TBL2: variants seen among roughly 807,000 people sequenced by gnomAD.
The protein encoded by TBL2 is transducin beta-like protein 2.
A neutral mutation model predicts 41.8 loss-of-function variants in TBL2; 33 were observed. The ratio of observed to expected loss-of-function variants is 0.79; its 90% CI spans 0.60 to 1.06. The LOEUF is 1.06. TBL2 is among the 50% of genes least tolerant of loss of function. TBL2 has a pLI of 0.00. For missense variants in TBL2, 522 were observed against 603.8 expected (o/e 0.86, Z 1.42); for synonymous variants, 239 against 241.7 (o/e 0.99, Z 0.10).
chr7:73,571,465 G>C, intron 5 of TBL2, 124 bp from the exon 6 acceptor site: 2 of 1,407,858 alleles, frequency 1.4e-6, no homozygotes, highest in Non-Finnish European at 1.9e-6. Flanking sequence ...AACCTTTAAA[G>C]AGTTATTTTG....
Position 73,568,676 on chromosome 7 carries a change from C to A in TBL2, c.*1831G>T, listed in dbSNP as rs2115894993. The stretch of plus-strand genomic sequence containing the variant: ...CGATGGCTCACACCTGTAATCCCAG[C>A]ACTTGGGGAGGCCAAGGGGGGTGGT... On this transcript the variant is annotated 3_prime_UTR_variant, in exon 7 of 7. Coordinates refer to ENST00000305632, the MANE Select transcript of TBL2 (RefSeq NM_012453.4). 6.6e-6 allele frequency among the ~76,000 whole-genome samples: 1 copy of A among 152,318 alleles called. No homozygotes were observed. Among genetic ancestry groups the A allele is most frequent in the South Asian group, 2.1e-4 (1 of 4,830 alleles).
intron 1 of TBL2, among the ~76,000 whole-genome samples, chr7:73,576,194 A>G (rs1793300287): frequency 9.6e-6 from 1 of 104,234 alleles, no homozygotes; most frequent in Non-Finnish European, 1.9e-5. Context: ...AGGCTGAGGC[A>G]GCTGCTGGAT....
intron 1 of TBL2, chr7:73,577,977 T>G (rs1270589579): frequency 2.6e-6 from 1 of 381,532 alleles, no homozygotes. Context: ...ACTTACATAT[T>G]TAGGTGTTCA....
At chr7:73,572,575 C>G (rs782574876) in intron 5 of TBL2, among the ~76,000 whole-genome samples, 6 of 152,172 alleles carry the variant, frequency 3.9e-5, no homozygotes, top group Non-Finnish European at 7.3e-5. Context: ...GAGCTATGAT[C>G]GCACCACTGT....
Position 73,570,526 on chromosome 7 carries a change from A to G in TBL2, c.1325T>C (p.Leu442Pro), listed in dbSNP as rs1554587126. 2 of 1,574,120 alleles carry G rather than the reference A, an allele frequency of 1.3e-6. No individual in the cohort carries two copies. The highest frequency in any genetic ancestry group is 2.4e-5 in the South Asian group (2 of 85,096). ...CCAGAGTCACTTCTTCAGGGCACCC[A>G]GGCTCTTCAGGGTCTCTTGGGCCTG... ...LTQAQETLKS[L>P]GALKK Residue 442 changes from leucine to proline, a missense_variant, in exon 7 of 7, where the codon CTG (leucine) becomes CCG (proline). Coordinates refer to ENST00000305632, the MANE Select transcript of TBL2 (RefSeq NM_012453.4).
intron 1 of TBL2, 102 bp downstream of exon 1, chr7:73,578,318 G>C: frequency 6.5e-7 from 1 of 1,535,070 alleles, no homozygotes; most frequent in Non-Finnish European, 8.7e-7. Context: ...CCATGGAGTC[G>C]CCGGGCCCCA....
intron 1 of TBL2, 31 bp downstream of exon 1, chr7:73,578,389 G>C: frequency 6.6e-7 from 1 of 1,521,436 alleles, no homozygotes; most frequent in Non-Finnish European, 8.8e-7. Context: ...GGACACCGCG[G>C]GCCGCCCCCA....
chr7:73,572,291 A>T (rs578147092), intron 5 of TBL2, among the ~76,000 whole-genome samples: 2 of 152,218 alleles, frequency 1.3e-5, no homozygotes, highest in Admixed American at 1.3e-4. Flanking sequence ...TCAACAAAAA[A>T]TACAAAAATT....
Position 73,570,255 on chromosome 7 carries a change from G to T in TBL2, c.*252C>A. 1 of 505,804 alleles carries T rather than the reference G, an allele frequency of 2.0e-6. No individual in the cohort carries two copies. The highest frequency in any genetic ancestry group is 3.3e-6 in the Non-Finnish European group (1 of 298,894). The allele number at this position is 505,804 out of a possible 1,614,324, so 31.3% of individuals were successfully genotyped here. ...CTACCATTCTCCTCAGTGCCAGGTG[G>T]GGACAGATTCCACCCACTGGGCCTG... On this transcript the variant is annotated 3_prime_UTR_variant, in exon 7 of 7. Coordinates refer to ENST00000305632, the MANE Select transcript of TBL2 (RefSeq NM_012453.4).
At position 73,573,918 on chromosome 7, in the gene TBL2, G is replaced by A; in HGVS notation, c.446+20C>T. The A allele has an allele frequency of 2.5e-6, 4 of 1,610,572 alleles. No homozygotes were observed. The highest frequency in any genetic ancestry group is 2.5e-6 in the Non-Finnish European group (3 of 1,179,520). On this transcript the variant is annotated intron_variant, in intron 3 of 6. Coordinates refer to ENST00000305632, the MANE Select transcript of TBL2 (RefSeq NM_012453.4). ...GGACTAGGCCTCTGCAGGCAAACCT[G>A]AGGCTCCGTCTTGTCCCACCTGCAG...
In TBL2 at chr7:73,570,448, A is replaced by C. The variant is rs782633940; in HGVS notation, c.*59T>G. The C allele has an allele frequency of 2.2e-5, 32 of 1,436,048 alleles. No homozygotes were observed. The highest frequency in any genetic ancestry group is 2.8e-5 in the Non-Finnish European group (31 of 1,097,364). The allele number at this position is 1,436,048 out of a possible 1,614,324, so 89.0% of individuals were successfully genotyped here. ...TCCACCTGGGAGGAAAGATGGCAGCAGTGCCATGAGGAGGCCAGATCCCTC... is the reference window on the plus strand; with the variant it reads ...TCCACCTGGGAGGAAAGATGGCAGCCGTGCCATGAGGAGGCCAGATCCCTC... On this transcript the variant is annotated 3_prime_UTR_variant, in exon 7 of 7. Transcript: ENST00000305632.
chr7:73,570,266 C>T lies in TBL2; in HGVS notation c.*241G>A. 1 of 548,562 alleles carries T rather than the reference C, an allele frequency of 1.8e-6. No homozygotes were observed. Among genetic ancestry groups the T allele is most frequent in the Admixed American group, 3.9e-5 (1 of 25,884 alleles). The allele number at this position is 548,562 out of a possible 1,614,324, so 34.0% of individuals were successfully genotyped here. On this transcript the variant is annotated 3_prime_UTR_variant, in exon 7 of 7. Coordinates refer to ENST00000305632, the MANE Select transcript of TBL2 (RefSeq NM_012453.4). Reference sequence around the variant, plus strand: ...CTCAGTGCCAGGTGGGGACAGATTCCACCCACTGGGCCTGGGAGGAAGAAA... The same window carrying T: ...CTCAGTGCCAGGTGGGGACAGATTCTACCCACTGGGCCTGGGAGGAAGAAA...
chr7:73,578,321 G>A lies in TBL2; in HGVS notation c.130+99C>T, dbSNP rs549472756. 72 of 1,535,592 alleles carry A rather than the reference G, an allele frequency of 4.7e-5. No individual in the cohort carries two copies. In the South Asian group the frequency reaches 6.5e-4, roughly 14 times the overall value. On this transcript the variant is annotated intron_variant, in intron 1 of 6. Transcript: ENST00000305632. Reference sequence around the variant, plus strand: ...AGAAACTGAGGCCCATGGAGTCGCCGGGCCCCACCAGCCGCGGGCCCAAAC... The same window carrying A: ...AGAAACTGAGGCCCATGGAGTCGCCAGGCCCCACCAGCCGCGGGCCCAAAC...
chr7:73,571,110 G>A (rs1469865933), intron 6 of TBL2, 79 bp downstream of exon 6: 2 of 1,601,990 alleles, frequency 1.2e-6, no homozygotes, highest in African/African-American at 2.7e-5. Context: ...TCAGAGCCAT[G>A]GCACAAACAG....
rs1410066784 is a variant in TBL2 at position 73,569,402 on chromosome 7, A to G, written c.*1105T>C. ...ACTTGGGATGAATAAATTTGCCTAC[A>G]CTCAAGCCTTCCCAGATACCTCATT... On this transcript the variant is annotated 3_prime_UTR_variant, in exon 7 of 7. Coordinates refer to ENST00000305632, the MANE Select transcript of TBL2 (RefSeq NM_012453.4). The G allele has an allele frequency of 6.6e-6, 1 of 151,888 alleles. No homozygotes were observed. Among genetic ancestry groups the G allele is most frequent in the Non-Finnish European group, 1.5e-5 (1 of 67,956 alleles). The allele number at this position is 151,888 out of a possible 1,614,324, so 9.4% of individuals were successfully genotyped here.
rs782208570 is a variant in TBL2, at chr7:73,570,372, G to C, written c.*135C>G. On this transcript the variant is annotated 3_prime_UTR_variant, in exon 7 of 7. Coordinates refer to ENST00000305632, the MANE Select transcript of TBL2 (RefSeq NM_012453.4). Reference sequence around the variant, plus strand: ...AAGTAGACAAGAGTAGTTTCAATGGGAAGAAGCAGGGCCACCAGTAAGAAA... The same window carrying C: ...AAGTAGACAAGAGTAGTTTCAATGGCAAGAAGCAGGGCCACCAGTAAGAAA... 11 of 1,388,338 alleles carry C rather than the reference G, an allele frequency of 7.9e-6. No homozygotes were observed. The highest frequency in any genetic ancestry group is 9.4e-6 in the Non-Finnish European group (10 of 1,065,102). The allele number at this position is 1,388,338 out of a possible 1,614,324, so 86.0% of individuals were successfully genotyped here. A position where few individuals can be genotyped will look rare whatever the true frequency, so the allele number is the denominator to read the frequency against.
chr7:73,574,360 G>T (rs568052021), intron 2 of TBL2, 23 bp downstream of exon 2: 2 of 1,612,356 alleles, frequency 1.2e-6, no homozygotes, highest in Admixed American at 3.3e-5. Flanking sequence ...CAGGGTGCAC[G>T]CTGTGCCAGG....
At chr7:73,577,262 TG>T (rs1554589146) in intron 1 of TBL2, among the ~76,000 whole-genome samples, 7 of 67,992 alleles carry the variant, frequency 1.0e-4, no homozygotes, top group African/African-American at 3.2e-4. Flanking sequence ...TCCGTCCCCC[TG>T]CAAAAAAAAA....
At position 73,570,663 on chromosome 7, in the gene TBL2, C is replaced by T. The variant is rs139503659; in HGVS notation, c.1188G>A (p.Val396=). Residue 396 remains valine (V), a synonymous_variant, in exon 7 of 7, where the codon GTG becomes GTA. Coordinates refer to ENST00000305632, the MANE Select transcript of TBL2 (RefSeq NM_012453.4). ...GGCCAGGAGTGTTGTGAAACAGCCG[C>T]ACCGCCCGGTCCCCACAGGAGGCCA... ...RFLASCGDRA[V]RLFHNTPGHR... is the part of the protein sequence containing the mutation. The T allele has an allele frequency of 2.5e-6, 4 of 1,613,786 alleles. No homozygotes were observed. Among genetic ancestry groups the T allele is most frequent in the Middle Eastern group, 1.6e-4 (1 of 6,084 alleles).
Sources: gnomAD v4.1 joint callset for allele counts (sites outside exome capture counted in the v4.1 genomes callset) on GRCh38, gnomAD v4.1.1 for gene constraint, MANE v1.5 for transcripts, NCBI Gene and HGNC (gene_info 2026-07-23, HGNC 2026-07-21) for gene names.